CSMD3: variants seen among roughly 807,000 people sequenced by gnomAD.
The protein encoded by CSMD3 is CUB and Sushi multiple domains 3.
In CSMD3, 177 loss-of-function variants were observed where a neutral mutation model predicts 435.2. That is an observed-to-expected ratio of 0.41 (90% CI 0.36 to 0.46). CSMD3 has a LOEUF of 0.46. Among genes scored for constraint, CSMD3 ranks in the 20% least tolerant of loss-of-function variants. The pLI is 0.34. For synonymous variants in CSMD3, 1,656 were observed against 1,520.5 expected (o/e 1.09, Z -2.07); for missense variants, 4,265 against 4,504.6 (o/e 0.95, Z 1.52).
At chr8:112,297,659 A>G (rs959862977) in intron 53 of CSMD3, among the ~76,000 whole-genome samples, 2 of 152,190 alleles carry the variant, frequency 1.3e-5, no homozygotes, top group African/African-American at 4.8e-5. Context: ...GTTGGGAAAC[A>G]AAATAGTGAA....
At chr8:113,369,657 G>C (rs2094334740) in intron 1 of CSMD3, among the ~76,000 whole-genome samples, 1 of 151,770 alleles carries the variant, frequency 6.6e-6, no homozygotes, top group African/African-American at 2.4e-5. Flanking sequence ...ATCAACCTAA[G>C]TGTCCATCAA....
intron 3 of CSMD3, among the ~76,000 whole-genome samples, chr8:113,199,918 C>G (rs2092699711): frequency 6.6e-6 from 1 of 151,770 alleles, no homozygotes; most frequent in African/African-American, 2.4e-5. Context: ...GGTGCAGGGC[C>G]TTGATTATTA....
intron 13 of CSMD3, among the ~76,000 whole-genome samples, chr8:112,733,059 G>T (rs1318688647): frequency 6.6e-6 from 1 of 152,070 alleles, no homozygotes; most frequent in African/African-American, 2.4e-5. Flanking sequence ...TTAATAATAT[G>T]TTAGACCTTT....
chr8:112,391,741 A>G (rs578186535), intron 35 of CSMD3, among the ~76,000 whole-genome samples: 1 of 152,100 alleles, frequency 6.6e-6, no homozygotes, highest in East Asian at 1.9e-4. Flanking sequence ...AGTTGAAGCC[A>G]GAGTCCATGT....
In CSMD3 at chr8:112,336,656, C is replaced by T. The variant is rs768766260; in HGVS notation, c.7015G>A (p.Val2339Ile). 6.2e-7 allele frequency: 1 copy of T among 1,603,336 alleles called. No individual in the cohort carries two copies. Among genetic ancestry groups the T allele is most frequent in the African/African-American group, 1.3e-5 (1 of 74,762 alleles). Residue 2339 changes from valine to isoleucine, a missense_variant, in exon 44 of 71, where the codon GTA becomes ATA. By Grantham distance (29) the Val-to-Ile change is conservative. Transcript: ENST00000297405. ...QTEPIYDFIT[V>I]WDGPDQNSPQ... ...ATAACAATAGTCCTGACTTACCATA[C>T]AGTAATGAAATCATATATTGGTTCT...
At chr8:112,854,433 A>C (rs1314681021) in intron 11 of CSMD3, among the ~76,000 whole-genome samples, 1 of 152,186 alleles carries the variant, frequency 6.6e-6, no homozygotes, top group Non-Finnish European at 1.5e-5. Context: ...AACATATCCA[A>C]GACTACAAGG....
At chr8:113,406,898 T>G (rs1471251667) in intron 1 of CSMD3, among the ~76,000 whole-genome samples, 1 of 152,122 alleles carries the variant, frequency 6.6e-6, no homozygotes, top group Non-Finnish European at 1.5e-5. Context: ...CTCCATCTAC[T>G]GTAGTTTATT....
At chr8:112,664,289 T>C (rs2075463156) in intron 17 of CSMD3, among the ~76,000 whole-genome samples, 1 of 152,152 alleles carries the variant, frequency 6.6e-6, no homozygotes, top group Non-Finnish European at 1.5e-5. Context: ...TGTCCTATTG[T>C]TCCAAATCAA....
intron 4 of CSMD3, among the ~76,000 whole-genome samples, chr8:113,164,509 T>C (rs2092112290): frequency 6.6e-6 from 1 of 151,810 alleles, no homozygotes; most frequent in African/African-American, 2.4e-5. Context: ...ATAAAAATTA[T>C]GGAGTAAAAA....
At chr8:112,451,940 T>C (rs1019816517) in intron 32 of CSMD3, among the ~76,000 whole-genome samples, 2 of 152,198 alleles carry the variant, frequency 1.3e-5, no homozygotes, top group Non-Finnish European at 2.9e-5. Context: ...TAATTTATTG[T>C]TTTGCTTAGA....
At chr8:112,770,540 C>A (rs886399295) in intron 13 of CSMD3, among the ~76,000 whole-genome samples, 2 of 151,906 alleles carry the variant, frequency 1.3e-5, no homozygotes, top group Non-Finnish European at 2.9e-5. Flanking sequence ...CAGTACAGAA[C>A]GGACTAAGAC....
At chr8:112,415,475 T>C (rs757335574) in intron 32 of CSMD3, among the ~76,000 whole-genome samples, 1 of 152,206 alleles carries the variant, frequency 6.6e-6, no homozygotes, top group Non-Finnish European at 1.5e-5. Context: ...GGAGCCATCA[T>C]GAAGAACTTC....
At chr8:113,336,128 G>C (rs754200446) in intron 1 of CSMD3, among the ~76,000 whole-genome samples, 2 of 151,398 alleles carry the variant, frequency 1.3e-5, no homozygotes, top group Admixed American at 6.6e-5. Context: ...TCTTCCTGTT[G>C]TTCAGATTGA....
intron 32 of CSMD3, among the ~76,000 whole-genome samples, chr8:112,418,560 G>T (rs988853007): frequency 6.6e-6 from 1 of 151,970 alleles, no homozygotes; most frequent in African/African-American, 2.4e-5. Context: ...ATCATTTAAA[G>T]ATTATTACAA....
At chr8:112,689,834 T>C in intron 14 of CSMD3, 34 bp downstream of exon 14, 2 of 1,574,330 alleles carry the variant, frequency 1.3e-6, no homozygotes, top group South Asian at 1.1e-5. Context: ...CAGGGTAACA[T>C]ATGCTATCTG....
At position 113,293,151 on chromosome 8, in the gene CSMD3, A is replaced by G. The variant is rs186224499; in HGVS notation, c.402-14447T>C. ...GTAATATAGTTCTGAACATTATAAC[A>G]TCTATACTCTCATAGGTGAAACATT... On this transcript the variant is annotated intron_variant, in intron 2 of 70. Coordinates refer to ENST00000297405, the MANE Select transcript of CSMD3 (RefSeq NM_198123.2). Among the ~76,000 whole-genome samples the G allele has an allele frequency of 3.7e-3, 567 of 151,568 alleles. 3 individuals carry two copies. Among genetic ancestry groups the G allele is most frequent in the Middle Eastern group, 0.021 (6 of 290 alleles).
intron 13 of CSMD3, among the ~76,000 whole-genome samples, chr8:112,698,892 G>T (rs931220434): frequency 2.0e-5 from 3 of 152,038 alleles, no homozygotes; most frequent in Non-Finnish European, 4.4e-5. Context: ...TCTCGCTAAA[G>T]GTTTGTAAAT....
At chr8:113,233,066 T>G (rs1292128720) in intron 3 of CSMD3, among the ~76,000 whole-genome samples, 1 of 151,926 alleles carries the variant, frequency 6.6e-6, no homozygotes, top group East Asian at 1.9e-4. Context: ...ATTTGTTATT[T>G]CCATAATTTT....
chr8:113,120,348 T>C lies in CSMD3; in HGVS notation c.710-21385A>G, dbSNP rs139109779. On this transcript the variant is annotated intron_variant, in intron 4 of 70. Transcript: ENST00000297405. ...ATATTCATTGTTTTCTAAAGTTAAA[T>C]GAATTAAATAAATATTGTCCTTCAA... is the stretch of plus-strand genomic sequence containing the variant. Among the ~76,000 whole-genome samples, 1,109 of 152,232 alleles carry C rather than the reference T, an allele frequency of 7.3e-3. 15 individuals are homozygous for C. The highest frequency in any genetic ancestry group is 0.025 in the African/African-American group (1,039 of 41,542).
Sources: allele counts gnomAD v4.1 joint callset (sites outside exome capture counted in the v4.1 genomes callset), GRCh38; gene constraint gnomAD v4.1.1; transcripts MANE v1.5; gene names NCBI Gene and HGNC (gene_info 2026-07-23, HGNC 2026-07-21).